The following OSBP2 variants were observed in gnomAD, a reference collection of about 807,000 sequenced individuals.
OSBP2 encodes the protein oxysterol-binding protein 2.
OSBP2 carries 66 observed loss-of-function variants against 96.0 expected under a neutral mutation model. That is an observed-to-expected ratio of 0.69 (90% CI 0.56 to 0.84). The LOEUF (loss-of-function observed/expected upper bound fraction) is 0.84, where lower values mean the gene tolerates loss of function less well. Ranked by LOEUF, OSBP2 falls within the 40% of genes least tolerant of loss-of-function variation. The pLI is 0.00. For missense variants in OSBP2, 1,038 were observed against 1,222.7 expected (o/e 0.85, Z 2.25); for synonymous variants, 525 against 520.9 (o/e 1.01, Z -0.11).
chr22:30,765,834 C>G (rs16989072), intron 2 of OSBP2, among the ~76,000 whole-genome samples: 3,304 of 152,300 alleles, frequency 0.022, 106 homozygotes, highest in African/African-American at 0.075. Context: ...AAAACCACTT[C>G]TGTCTATATC....
At chr22:30,849,865 G>C (rs368484248) in intron 2 of OSBP2, among the ~76,000 whole-genome samples, 1 of 152,238 alleles carries the variant, frequency 6.6e-6, no homozygotes, top group East Asian at 1.9e-4. Context: ...CTAGGTTTAT[G>C]TTCCATTTTG....
chr22:30,779,175 G>A (rs769680951), intron 2 of OSBP2, among the ~76,000 whole-genome samples: 13 of 151,274 alleles, frequency 8.6e-5, no homozygotes, highest in Non-Finnish European at 1.3e-4. Flanking sequence ...TCTGCCCACC[G>A]GGTTCAAGTG....
chr22:30,834,173 C>T (rs1032667189), intron 2 of OSBP2, among the ~76,000 whole-genome samples: 1 of 152,056 alleles, frequency 6.6e-6, no homozygotes. Flanking sequence ...CTTCAGCCTC[C>T]CAACTTTATT....
Position 30,858,188 on chromosome 22 carries a change from G to A in OSBP2, c.854-12241G>A, listed in dbSNP as rs973185152. ...GGAGTCTCGCTCTGTCGCCCAGGCC[G>A]GACTGCGGACTGCAGTGGCGCAATC... On this transcript the variant is annotated intron_variant, in intron 2 of 13. Transcript: ENST00000332585. Among the ~76,000 whole-genome samples, 29 of 146,146 alleles carry A rather than the reference G, an allele frequency of 2.0e-4. 1 individual carries two copies. Among genetic ancestry groups the A allele is most frequent in the South Asian group, 4.4e-4 (2 of 4,558 alleles).
At chr22:30,783,798 C>G (rs937925448) in intron 2 of OSBP2, among the ~76,000 whole-genome samples, 3 of 152,240 alleles carry the variant, frequency 2.0e-5, no homozygotes, top group African/African-American at 7.2e-5. Flanking sequence ...AAATGTGCCT[C>G]TTCTCAACCT....
chr22:30,709,374 G>A (rs977655645), intron 1 of OSBP2, among the ~76,000 whole-genome samples: 3 of 152,058 alleles, frequency 2.0e-5, no homozygotes, highest in African/African-American at 7.2e-5. Context: ...TCCTCTGTAA[G>A]GTCTTAGTTT....
At position 30,872,447 on chromosome 22, in the gene OSBP2, A is replaced by G. The variant is rs553864096; in HGVS notation, c.1107+1765A>G. On this transcript the variant is annotated intron_variant, in intron 3 of 13. Transcript: ENST00000332585. ...CGTCTTGCACAGTCTTTTATCAGACATCAGAGGCTCATCTGTGTTTACGAA... is the reference window on the plus strand; with the variant it reads ...CGTCTTGCACAGTCTTTTATCAGACGTCAGAGGCTCATCTGTGTTTACGAA... The G allele has an allele frequency of 1.5e-3, 671 of 449,428 alleles. 5 individuals carry two copies. Among genetic ancestry groups the G allele is most frequent in the Middle Eastern group, 4.7e-3 (14 of 2,998 alleles). 27.8% of individuals were successfully genotyped at this position (449,428 alleles called of 1,614,324 possible).
At chr22:30,746,485 CTTTTTTTTT>C (rs34500140) in intron 2 of OSBP2, among the ~76,000 whole-genome samples, 2 of 101,530 alleles carry the variant, frequency 2.0e-5, no homozygotes, top group African/African-American at 8.1e-5. Flanking sequence ...GGATGAAACA[CTTTTTTTTT>C]TTTTTTTTTT....
At chr22:30,893,020 C>A in intron 8 of OSBP2, 102 bp from the exon 9 acceptor site, 1 of 1,461,476 alleles carries the variant, frequency 6.8e-7, no homozygotes, top group Non-Finnish European at 9.4e-7. Flanking sequence ...GGCCACAGAG[C>A]TGTGCCTGCT....
chr22:30,905,825 C>T lies in OSBP2; in HGVS notation c.2376-12C>T, dbSNP rs758547594. On this transcript the variant is annotated splice_polypyrimidine_tract_variant and intron_variant, in intron 12 of 13. Coordinates refer to ENST00000332585, the MANE Select transcript of OSBP2 (RefSeq NM_030758.4). ...ACCGCAGCCACCGCCACCGCCACCA[C>T]CACCGCCACAGGGAGAACGCGGAGA... 5 of 1,612,026 alleles carry T rather than the reference C, an allele frequency of 3.1e-6. No individual in the cohort carries two copies. The African/African-American group carries it at 6.7e-5, about 22-fold the overall frequency.
intron 12 of OSBP2, chr22:30,902,508 T>C (rs2040236356): frequency 2.0e-6 from 3 of 1,538,352 alleles, no homozygotes; most frequent in South Asian, 2.2e-5. Flanking sequence ...ATGACGAAGC[T>C]TCAGGGATGA....
intron 2 of OSBP2, among the ~76,000 whole-genome samples, chr22:30,748,430 A>G (rs1455476769): frequency 1.3e-5 from 2 of 152,102 alleles, no homozygotes; most frequent in African/African-American, 4.8e-5. Context: ...TCATCTCCTC[A>G]ATAGAACCTA....
At chr22:30,822,360 C>G (rs2038291851) in intron 2 of OSBP2, among the ~76,000 whole-genome samples, 1 of 152,238 alleles carries the variant, frequency 6.6e-6, no homozygotes, top group African/African-American at 2.4e-5. Flanking sequence ...AGGCGACGCG[C>G]GGGACGAGGC....
intron 2 of OSBP2, among the ~76,000 whole-genome samples, chr22:30,827,089 T>A (rs1602321214): frequency 6.6e-6 from 1 of 152,206 alleles, no homozygotes; most frequent in Non-Finnish European, 1.5e-5. Flanking sequence ...GATGAGTAAG[T>A]GGCAGGTGAG....
At chr22:30,718,095 G>T (rs1025172734) in intron 1 of OSBP2, among the ~76,000 whole-genome samples, 1 of 152,142 alleles carries the variant, frequency 6.6e-6, no homozygotes, top group Non-Finnish European at 1.5e-5. Context: ...GTACAGGAGG[G>T]TAATCGAGAG....
chr22:30,701,721 A>T (rs2089166600), intron 1 of OSBP2, among the ~76,000 whole-genome samples: 1 of 152,174 alleles, frequency 6.6e-6, no homozygotes, highest in Non-Finnish European at 1.5e-5. Flanking sequence ...TGAAAACATG[A>T]AGTTGAGGGT....
chr22:30,786,345 G>A (rs963827542), intron 2 of OSBP2, among the ~76,000 whole-genome samples: 1 of 152,050 alleles, frequency 6.6e-6, no homozygotes, highest in African/African-American at 2.4e-5. Context: ...TTTTAAGTCA[G>A]TTAATATTTA....
At chr22:30,865,257 G>C (rs1279387210) in intron 2 of OSBP2, among the ~76,000 whole-genome samples, 6 of 152,126 alleles carry the variant, frequency 3.9e-5, no homozygotes, top group Non-Finnish European at 5.9e-5. Flanking sequence ...CCCTGAGTGG[G>C]GAATGGGGTG....
In OSBP2 at chr22:30,854,319, T is replaced by G. The variant is rs2039037008; in HGVS notation, c.854-16110T>G. On this transcript the variant is annotated intron_variant, in intron 2 of 13. Transcript: ENST00000332585. ...TTATACAGTTATCTTTTTTTTTTTT[T>G]TTTTTTTGAGACAGGGTCTCACTCT... Among the ~76,000 whole-genome samples, 3 of 149,106 alleles carry G rather than the reference T, an allele frequency of 2.0e-5. No homozygotes were observed. The South Asian group carries it at 6.4e-4, about 32-fold the overall frequency.
Sources: allele counts gnomAD v4.1 joint callset (sites outside exome capture counted in the v4.1 genomes callset), GRCh38; gene constraint gnomAD v4.1.1; transcripts MANE v1.5; gene names NCBI Gene and HGNC (gene_info 2026-07-23, HGNC 2026-07-21).